The following MYL3 variants were observed in gnomAD, a reference collection of about 807,000 sequenced individuals.
MYL3 encodes myosin light chain 3.
A neutral mutation model predicts 21.3 loss-of-function variants in MYL3; 11 were observed. That is an observed-to-expected ratio of 0.52 (90% CI 0.32 to 0.85). MYL3 has a LOEUF of 0.85. Among genes scored for constraint, MYL3 ranks in the 40% least tolerant of loss-of-function variants. The probability of loss-of-function intolerance (pLI) is 0.03; values close to 1 mark genes in which losing one functional copy is unlikely to be tolerated. For missense variants in MYL3, 206 were observed against 253.3 expected (o/e 0.81, Z 1.27); for synonymous variants, 88 against 91.6 (o/e 0.96, Z 0.22).
chr3:46,866,864 G>T (rs938047550), upstream of MYL3, among the ~76,000 whole-genome samples: 3 of 152,168 alleles, frequency 2.0e-5, no homozygotes, highest in Admixed American at 6.5e-5. Context: ...GCTCTTCACA[G>T]ACTAAAGAGG....
chr3:46,861,028 G>A lies in MYL3; in HGVS notation c.130-41C>T. On this transcript the variant is annotated intron_variant, in intron 1 of 6. Coordinates refer to ENST00000292327, the MANE Select transcript of MYL3 (RefSeq NM_000258.3). This position sits in a 1 kb window ranked among gnomAD's most constrained non-coding sequence, Gnocchi z 4.2. ...AAAGACTCAGATGCCCGGCTTAAAA[G>A]GTGGGGCCACACCTCCTCCTGGGCA... 2 of 1,612,844 alleles carry A rather than the reference G, an allele frequency of 1.2e-6. No individual in the cohort carries two copies. The highest frequency in any genetic ancestry group is 1.7e-6 in the Non-Finnish European group (2 of 1,179,066).
upstream of MYL3, chr3:46,863,453 C>T (rs1013359331): frequency 8.2e-6 from 13 of 1,586,230 alleles, no homozygotes; most frequent in Admixed American, 5.2e-5. Context: ...GTAGGTGAGC[C>T]GCCTCACCCA....
chr3:46,858,159 T>G, intron 6 of MYL3, 58 bp from the exon 7 acceptor site: 1 of 1,522,076 alleles, frequency 6.6e-7, no homozygotes, highest in East Asian at 2.3e-5. Flanking sequence ...CAGCAGGATG[T>G]CAAGTGAGCA....
chr3:46,867,654 C>T (rs1702059296), upstream of MYL3, among the ~76,000 whole-genome samples: 1 of 152,248 alleles, frequency 6.6e-6, no homozygotes, highest in Admixed American at 6.5e-5. Flanking sequence ...CCATGGCCCG[C>T]CCTGGCCTGC....
chr3:46,859,015 G>T lies in MYL3; in HGVS notation c.481+460C>A, dbSNP rs918460563. Reference sequence around the variant, plus strand: ...AACAGTAGACACTCAAATGTTTGCTGCAGGAAAAAATCACTTTGAAGAGGG... The same window carrying T: ...AACAGTAGACACTCAAATGTTTGCTTCAGGAAAAAATCACTTTGAAGAGGG... On this transcript the variant is annotated intron_variant, in intron 4 of 6. Transcript: ENST00000292327. The surrounding 1 kb of genome is among the most constrained non-coding windows in gnomAD (Gnocchi z 4.1). 4.6e-5 allele frequency among the ~76,000 whole-genome samples: 7 copies of T among 152,238 alleles called. No homozygotes were observed. Among genetic ancestry groups the T allele is most frequent in the African/African-American group, 1.4e-4 (6 of 41,526 alleles).
In MYL3 at chr3:46,859,460, G is replaced by T; in HGVS notation, c.481+15C>A. 1 of 1,613,976 alleles carries T rather than the reference G, an allele frequency of 6.2e-7. No homozygotes were observed. Among genetic ancestry groups the T allele is most frequent in the Non-Finnish European group, 8.5e-7 (1 of 1,179,976 alleles). On this transcript the variant is annotated intron_variant, in intron 4 of 6. Transcript: ENST00000292327. The surrounding 1 kb of genome is among the most constrained non-coding windows in gnomAD (Gnocchi z 4.1). ...CCCTGGAAGGAGTTGGGGTAGGGGAGGAGGCTGCCCTCACCCAGCGTGGCC... is the reference window on the plus strand; with the variant it reads ...CCCTGGAAGGAGTTGGGGTAGGGGATGAGGCTGCCCTCACCCAGCGTGGCC...
rs1348700241 is a variant in MYL3 at position 46,861,905 on chromosome 3, C to A, written c.130-918G>T. Among the ~76,000 whole-genome samples, 2 of 152,210 alleles carry A rather than the reference C, an allele frequency of 1.3e-5. No individual in the cohort carries two copies. The highest frequency in any genetic ancestry group is 2.9e-5 in the Non-Finnish European group (2 of 68,032). Reference sequence around the variant, plus strand: ...CAGTGCATGCCGGCACAGAGGGACACCCTGTTCAGGGCCACCCTACCATGA... The same window carrying A: ...CAGTGCATGCCGGCACAGAGGGACAACCTGTTCAGGGCCACCCTACCATGA... On this transcript the variant is annotated intron_variant, in intron 1 of 6. Coordinates refer to ENST00000292327, the MANE Select transcript of MYL3 (RefSeq NM_000258.3). The surrounding 1 kb of genome is among the most constrained non-coding windows in gnomAD (Gnocchi z 4.2).
intron 1 of MYL3, among the ~76,000 whole-genome samples, chr3:46,871,190 G>A (rs765456664): frequency 3.9e-5 from 6 of 152,146 alleles, no homozygotes; most frequent in Non-Finnish European, 7.3e-5. Flanking sequence ...TGGGAAGGAG[G>A]AGCAGGGCTG....
chr3:46,873,957 C>T (rs574672947), intron 1 of MYL3, among the ~76,000 whole-genome samples: 2 of 152,182 alleles, frequency 1.3e-5, no homozygotes, highest in African/African-American at 2.4e-5. Context: ...GCCTAGCCAC[C>T]TCCCGTTAAG....
At chr3:46,881,177 A>T (rs1215042284) in intron 1 of MYL3, 2 of 152,278 alleles carry the variant, frequency 1.3e-5, no homozygotes, top group African/African-American at 4.8e-5. Context: ...GGCCTCATGC[A>T]TTCGCTTCCT....
Position 46,861,115 on chromosome 3 carries a change from C to T in MYL3, c.130-128G>A, listed in dbSNP as rs925163655. ...TGTCCCATTCCAGCATCCCAGCCTG[C>T]ACCCCCAGGACCTCCTGCAGTCCAT... is the stretch of plus-strand genomic sequence containing the variant. On this transcript the variant is annotated intron_variant, in intron 1 of 6. Transcript: ENST00000292327. The surrounding 1 kb of genome is among the most constrained non-coding windows in gnomAD (Gnocchi z 4.2). 6.3e-6 allele frequency: 7 copies of T among 1,103,494 alleles called. No individual in the cohort carries two copies. The highest frequency in any genetic ancestry group is 8.2e-6 in the Non-Finnish European group (6 of 731,524). 68.4% of individuals were successfully genotyped at this position (1,103,494 alleles called of 1,614,324 possible).
rs1229274372 is a variant in MYL3 at position 46,860,937 on chromosome 3, C to T, written c.157+23G>A. 1.9e-6 allele frequency: 3 copies of T among 1,614,158 alleles called. No homozygotes were observed. The highest frequency in any genetic ancestry group is 2.5e-6 in the Non-Finnish European group (3 of 1,180,024). The stretch of plus-strand genomic sequence containing the variant: ...GAACCCCAGCCCAATCCTGCAACCC[C>T]TGGGTTCAAGACCCCTGCTCACCTT... On this transcript the variant is annotated intron_variant, in intron 2 of 6. Coordinates refer to ENST00000292327, the MANE Select transcript of MYL3 (RefSeq NM_000258.3). This position sits in a 1 kb window ranked among gnomAD's most constrained non-coding sequence, Gnocchi z 4.6.
rs544483032 is a variant in MYL3, at chr3:46,874,011, G to C, written c.-217-7411C>G. ...CTGGCGACCCACCTGTGCCCAGTGA[G>C]AGCCCTTCGGCCTCTTCCAAAGAGG... On this transcript the variant is annotated intron_variant, in intron 1 of 3. Transcript: ENST00000431168. This position sits in a 1 kb window ranked among gnomAD's most constrained non-coding sequence, Gnocchi z 4.1. Among the ~76,000 whole-genome samples the C allele has an allele frequency of 2.0e-5, 3 of 152,354 alleles. No homozygotes were observed. Among genetic ancestry groups the C allele is most frequent in the Admixed American group, 6.5e-5 (1 of 15,306 alleles).
At chr3:46,878,521 C>T (rs1036630323) in intron 1 of MYL3, among the ~76,000 whole-genome samples, 1 of 152,198 alleles carries the variant, frequency 6.6e-6, no homozygotes, top group African/African-American at 2.4e-5. Context: ...TGCAGCCTGA[C>T]TTTGGGGCTA....
At chr3:46,871,281 T>C (rs1201226514) in intron 1 of MYL3, among the ~76,000 whole-genome samples, 1 of 152,008 alleles carries the variant, frequency 6.6e-6, no homozygotes, top group Non-Finnish European at 1.5e-5. Context: ...AACGTGTGTG[T>C]CTGGACATTT....
chr3:46,880,733 G>T (rs2030499492), intron 1 of MYL3, among the ~76,000 whole-genome samples: 1 of 150,966 alleles, frequency 6.6e-6, no homozygotes, highest in South Asian at 2.1e-4. Context: ...TCTTGAAGAA[G>T]AAGAAGAAGG....
chr3:46,872,367 G>A (rs1048817227), intron 1 of MYL3, among the ~76,000 whole-genome samples: 4 of 152,300 alleles, frequency 2.6e-5, no homozygotes, highest in Admixed American at 1.3e-4. Flanking sequence ...CCCTGCCTTC[G>A]GGAGTCCTGG....
In MYL3 at chr3:46,861,381, C is replaced by CT. The variant is rs1701990800; in HGVS notation, c.130-395dup. On this transcript the variant is annotated intron_variant, in intron 1 of 6. Transcript: ENST00000292327. This position sits in a 1 kb window ranked among gnomAD's most constrained non-coding sequence, Gnocchi z 4.2. ...TTTGCTTGGGGCCTGGTGGGCAGGA[C>CT]TGTCAGCAAAAGTGAGATGGGAGGG... Among the ~76,000 whole-genome samples, 1 of 152,204 alleles carries CT rather than the reference C, an allele frequency of 6.6e-6. No individual in the cohort carries two copies. The highest frequency in any genetic ancestry group is 2.4e-5 in the African/African-American group (1 of 41,450).
rs987219124 is a variant in MYL3, at chr3:46,871,131, C to T, written c.-217-4531G>A. On this transcript the variant is annotated intron_variant, in intron 1 of 3. Transcript: ENST00000431168. The stretch of plus-strand genomic sequence containing the variant: ...CTAATGCACCACATCTTTTAGCTCA[C>T]GGGTATAGAAAGAACACCCAGGTAT... Among the ~76,000 whole-genome samples the T allele has an allele frequency of 1.2e-4, 18 of 152,274 alleles. 1 individual carries two copies. In the East Asian group the frequency reaches 1.9e-3, roughly 16 times the overall value.
Sources: allele counts gnomAD v4.1 joint callset (sites outside exome capture counted in the v4.1 genomes callset), GRCh38; gene constraint gnomAD v4.1.1; non-coding constraint Gnocchi (gnomAD v3.1); transcripts MANE v1.5; gene names NCBI Gene and HGNC (gene_info 2026-07-23, HGNC 2026-07-21).